Variants in PHACTR3 observed in about 807,000 individuals in gnomAD.
The protein encoded by PHACTR3 is phosphatase and actin regulator 3.
In PHACTR3, 16 loss-of-function variants were observed where a neutral mutation model predicts 66.8. That is an observed-to-expected ratio of 0.24 (90% CI 0.16 to 0.36). The LOEUF is 0.36. Among genes scored for constraint, PHACTR3 ranks in the 10% least tolerant of loss-of-function variants. PHACTR3 has a pLI of 1.00. For missense variants in PHACTR3, 647 were observed against 719.9 expected (o/e 0.90, Z 1.16); for synonymous variants, 323 against 292.1 (o/e 1.11, Z -1.08).
At chr20:59,699,652 A>G (rs1362237250) in intron 1 of PHACTR3, among the ~76,000 whole-genome samples, 1 of 152,186 alleles carries the variant, frequency 6.6e-6, no homozygotes, top group Non-Finnish European at 1.5e-5. Context: ...TATCATCATC[A>G]TCACCTTTAT....
chr20:59,670,812 G>A (rs1601056445), intron 1 of PHACTR3, among the ~76,000 whole-genome samples: 1 of 152,146 alleles, frequency 6.6e-6, no homozygotes, highest in African/African-American at 2.4e-5. Context: ...GACCCAGATG[G>A]TGCTGTGGTT....
chr20:59,717,317 G>A lies in PHACTR3; in HGVS notation c.119-25790G>A, dbSNP rs2038127466. Among the ~76,000 whole-genome samples the A allele has an allele frequency of 2.6e-5, 4 of 152,180 alleles. No homozygotes were observed. In the South Asian group the frequency reaches 8.3e-4, roughly 32 times the overall value. ...TAATTGTAAATGTGCATGCAGCTAT[G>A]ACAAATGGCAGGGAGATATCTTGTG... is the stretch of plus-strand genomic sequence containing the variant. On this transcript the variant is annotated intron_variant, in intron 1 of 12. Coordinates refer to ENST00000371015, the MANE Select transcript of PHACTR3 (RefSeq NM_080672.5).
At chr20:59,773,569 C>A in intron 6 of PHACTR3, 116 bp downstream of exon 6, 3 of 1,104,850 alleles carry the variant, frequency 2.7e-6, no homozygotes, top group South Asian at 1.7e-5. Flanking sequence ...GTTCTACAGT[C>A]ACTTTCTGAA....
At chr20:59,702,563 G>A (rs1444349946) in intron 1 of PHACTR3, among the ~76,000 whole-genome samples, 3 of 152,184 alleles carry the variant, frequency 2.0e-5, no homozygotes, top group African/African-American at 7.2e-5. Flanking sequence ...CTCTGAAGTG[G>A]CCTTGCCTGT....
intron 1 of PHACTR3, among the ~76,000 whole-genome samples, chr20:59,718,822 C>T (rs1200677216): frequency 2.0e-5 from 3 of 152,318 alleles, no homozygotes; most frequent in East Asian, 3.9e-4. Context: ...TTCAGCCTTG[C>T]GGAGATGGCG....
At chr20:59,827,763 G>C (rs1002116899) in intron 8 of PHACTR3, among the ~76,000 whole-genome samples, 1 of 152,166 alleles carries the variant, frequency 6.6e-6, no homozygotes, top group Non-Finnish European at 1.5e-5. Flanking sequence ...GGAGCCTTTG[G>C]CCTGAAGGCT....
intron 7 of PHACTR3, among the ~76,000 whole-genome samples, chr20:59,776,720 C>T (rs1051620493): frequency 7.9e-5 from 12 of 152,228 alleles, no homozygotes; most frequent in Admixed American, 2.6e-4. Context: ...AGGCCTGGCC[C>T]GGATATGACC....
In PHACTR3 at chr20:59,650,037, A is replaced by G. The variant is rs138500654; in HGVS notation, c.118+44905A>G. On this transcript the variant is annotated intron_variant, in intron 1 of 12. Transcript: ENST00000371015. Reference sequence around the variant, plus strand: ...TAAAGAATGAAATACTAGGCTCTAGATATAAAATAATATTCACAATGCAAT... The same window carrying G: ...TAAAGAATGAAATACTAGGCTCTAGGTATAAAATAATATTCACAATGCAAT... Among the ~76,000 whole-genome samples, 711 of 152,326 alleles carry G rather than the reference A, an allele frequency of 4.7e-3. 10 individuals carry two copies. The highest frequency in any genetic ancestry group is 0.035 in the Admixed American group (540 of 15,292).
At chr20:59,723,915 G>A (rs768470277) in intron 1 of PHACTR3, among the ~76,000 whole-genome samples, 8 of 152,056 alleles carry the variant, frequency 5.3e-5, no homozygotes, top group Admixed American at 1.3e-4. Flanking sequence ...ATGGTGACTC[G>A]ATGTTGAATT....
intron 1 of PHACTR3, among the ~76,000 whole-genome samples, chr20:59,696,150 A>C (rs888814659): frequency 6.6e-6 from 1 of 152,194 alleles, no homozygotes; most frequent in Admixed American, 6.5e-5. Context: ...CATAGTGCCA[A>C]GTTTTACTTA....
chr20:59,714,084 G>A (rs1355119066), intron 1 of PHACTR3, among the ~76,000 whole-genome samples: 2 of 152,058 alleles, frequency 1.3e-5, no homozygotes, highest in African/African-American at 4.8e-5. Flanking sequence ...TTTTTTGAAA[G>A]TTTTAAAAAT....
intron 1 of PHACTR3, among the ~76,000 whole-genome samples, chr20:59,674,397 T>C (rs11908117): frequency 0.11 from 8,961 of 77,984 alleles, 720 homozygotes; most frequent in African/African-American, 0.27. Flanking sequence ...CTCCTGTTCC[T>C]CCTTCTCCTG....
chr20:59,624,913 C>G (rs995528380), intron 1 of PHACTR3, among the ~76,000 whole-genome samples: 1 of 152,142 alleles, frequency 6.6e-6, no homozygotes, highest in Non-Finnish European at 1.5e-5. Flanking sequence ...CAAGTTCATA[C>G]TTTATTCCAA....
At chr20:59,775,615 A>G (rs2040511431) in intron 7 of PHACTR3, among the ~76,000 whole-genome samples, 1 of 152,052 alleles carries the variant, frequency 6.6e-6, no homozygotes, top group East Asian at 1.9e-4. Context: ...GTGCGTTTGG[A>G]GGAGGCTGAC....
intron 1 of PHACTR3, among the ~76,000 whole-genome samples, chr20:59,583,637 C>T (rs550402313): frequency 6.6e-6 from 1 of 152,320 alleles, no homozygotes; most frequent in East Asian, 1.9e-4. Flanking sequence ...TCCTCTGATT[C>T]GGGATTTCTA....
chr20:59,714,505 G>T (rs752892898), intron 1 of PHACTR3, among the ~76,000 whole-genome samples: 13 of 152,276 alleles, frequency 8.5e-5, no homozygotes, highest in Non-Finnish European at 1.6e-4. Flanking sequence ...CACTGCGTGG[G>T]TCTATTTCTG....
chr20:59,742,851 C>T (rs3827136), intron 1 of PHACTR3, among the ~76,000 whole-genome samples: 24,541 of 152,102 alleles, frequency 0.16, 3,899 homozygotes, highest in African/African-American at 0.41. Flanking sequence ...ACACGTGGCG[C>T]GTCATATGGC....
chr20:59,808,216 C>T (rs1229590760), intron 8 of PHACTR3, among the ~76,000 whole-genome samples: 2 of 152,230 alleles, frequency 1.3e-5, no homozygotes, highest in Non-Finnish European at 2.9e-5. Flanking sequence ...GAGTTCAGAA[C>T]CCCTCGGAGC....
In PHACTR3 at chr20:59,767,166, C is replaced by A; in HGVS notation, c.542-20C>A. 1 of 1,613,692 alleles carries A rather than the reference C, an allele frequency of 6.2e-7. No individual in the cohort carries two copies. The highest frequency in any genetic ancestry group is 8.5e-7 in the Non-Finnish European group (1 of 1,179,624). ...TCAGAGGAAACATGTTTTTAACTCT[C>A]TGCTTTGCCTTTGAACCAGCCAAGA... On this transcript the variant is annotated intron_variant, in intron 4 of 12. Coordinates refer to ENST00000371015, the MANE Select transcript of PHACTR3 (RefSeq NM_080672.5).
Sources: gnomAD v4.1 joint callset for allele counts (sites outside exome capture counted in the v4.1 genomes callset) on GRCh38, gnomAD v4.1.1 for gene constraint, MANE v1.5 for transcripts, NCBI Gene and HGNC (gene_info 2026-07-23, HGNC 2026-07-21) for gene names.